PAFAH2: variants seen among roughly 807,000 people sequenced by gnomAD.
PAFAH2 encodes the protein platelet-activating factor acetylhydrolase 2, cytoplasmic.
Under a neutral mutation model 49.0 loss-of-function variants are expected in PAFAH2, and 42 were observed. The ratio of observed to expected loss-of-function variants is 0.86; its 90% CI spans 0.67 to 1.11. PAFAH2 has a LOEUF of 1.11. Ranked by LOEUF, PAFAH2 falls within the 50% of genes least tolerant of loss-of-function variation. PAFAH2 has a pLI of 0.00. For missense variants in PAFAH2, 503 were observed against 501.8 expected (o/e 1.00, Z -0.02); for synonymous variants, 184 against 181.3 (o/e 1.01, Z -0.12).
chr1:25,986,680 C>T (rs774886137), intron 4 of PAFAH2, among the ~76,000 whole-genome samples: 2 of 152,012 alleles, frequency 1.3e-5, no homozygotes, highest in Admixed American at 1.3e-4. Flanking sequence ...CAGGCATGCA[C>T]CACCACACCT....
intron 7 of PAFAH2, among the ~76,000 whole-genome samples, chr1:25,977,429 T>C (rs1341994576): frequency 2.6e-5 from 4 of 151,434 alleles, no homozygotes; most frequent in Non-Finnish European, 4.4e-5. Flanking sequence ...GGCGGGCGGA[T>C]TGCTTGAGCT....
intron 10 of PAFAH2, among the ~76,000 whole-genome samples, chr1:25,965,563 G>A (rs560100728): frequency 3.4e-4 from 51 of 151,974 alleles, no homozygotes; most frequent in Non-Finnish European, 6.6e-4. Context: ...CGCCTGTAAC[G>A]CCAGCACTTT....
At chr1:25,990,687 A>C in intron 2 of PAFAH2, 40 bp downstream of exon 2, 1 of 1,492,984 alleles carries the variant, frequency 6.7e-7, no homozygotes, top group Non-Finnish European at 9.3e-7. Context: ...GTGCCGGCAG[A>C]AGCAGTGCAA....
At chr1:25,977,101 C>T (rs1295962017) in intron 7 of PAFAH2, among the ~76,000 whole-genome samples, 1 of 143,564 alleles carries the variant, frequency 7.0e-6, no homozygotes, top group Admixed American at 7.4e-5. Context: ...CGGCTCACTG[C>T]AAGCTCCGCC....
intron 1 of PAFAH2, among the ~76,000 whole-genome samples, chr1:25,997,161 G>T (rs1403055177): frequency 6.6e-6 from 1 of 152,184 alleles, no homozygotes; most frequent in African/African-American, 2.4e-5. Context: ...CACTTCTCTT[G>T]TGCTTCCTTT....
intron 6 of PAFAH2, among the ~76,000 whole-genome samples, chr1:25,983,565 A>C (rs927253210): frequency 3.3e-5 from 5 of 151,764 alleles, no homozygotes; most frequent in Non-Finnish European, 7.4e-5. Context: ...TCAAAAACAA[A>C]AAAAAAAACA....
chr1:25,961,950 A>C lies in PAFAH2; in HGVS notation c.*39T>G. On this transcript the variant is annotated 3_prime_UTR_variant, in exon 11 of 11. Transcript: ENST00000374282. ...GTGCCCTTGGGTAGCTCCCAAATGA[A>C]AACTTGGCTGAAGTGACTTTACAAA... 1 of 1,539,088 alleles carries C rather than the reference A, an allele frequency of 6.5e-7. No homozygotes were observed. Among genetic ancestry groups the C allele is most frequent in the Non-Finnish European group, 9.0e-7 (1 of 1,114,048 alleles).
chr1:25,990,704 G>A (rs776039474), intron 2 of PAFAH2, 23 bp downstream of exon 2: 1 of 1,593,086 alleles, frequency 6.3e-7, no homozygotes, highest in Non-Finnish European at 8.6e-7. Flanking sequence ...GCAAACAGAA[G>A]AAAGGGAGCT....
Position 25,983,469 on chromosome 1 carries a change from A to G in PAFAH2, c.552+477T>C, listed in dbSNP as rs555470163. 2.0e-5 allele frequency among the ~76,000 whole-genome samples: 3 copies of G among 151,774 alleles called. No homozygotes were observed. In the South Asian group the frequency reaches 6.3e-4, roughly 32 times the overall value. On this transcript the variant is annotated intron_variant, in intron 6 of 10. Coordinates refer to ENST00000374282, the MANE Select transcript of PAFAH2 (RefSeq NM_000437.4). ...CTACTCAGGACACTGAGGTAGGAAG[A>G]TCTCTTGAGCCCAGAAGATTGAGAC... is the stretch of plus-strand genomic sequence containing the variant.
At chr1:25,965,696 T>C (rs1380088547) in intron 10 of PAFAH2, among the ~76,000 whole-genome samples, 3 of 151,416 alleles carry the variant, frequency 2.0e-5, no homozygotes, top group Admixed American at 6.6e-5. Context: ...CGGGCACCTG[T>C]AATCCCAGCT....
chr1:25,966,713 T>G (rs753537510), intron 10 of PAFAH2, among the ~76,000 whole-genome samples: 1 of 152,034 alleles, frequency 6.6e-6, no homozygotes, highest in Non-Finnish European at 1.5e-5. Context: ...AAGCCCAGAC[T>G]TTACCACGTG....
chr1:25,989,739 T>A, intron 2 of PAFAH2, 138 bp from the exon 3 acceptor site: 1 of 559,904 alleles, frequency 1.8e-6, no homozygotes, highest in Non-Finnish European at 2.9e-6. Flanking sequence ...TTAGCATGCC[T>A]GAATTTCACA....
At chr1:25,982,883 T>A (rs934700089) in intron 6 of PAFAH2, among the ~76,000 whole-genome samples, 3 of 152,212 alleles carry the variant, frequency 2.0e-5, no homozygotes, top group Non-Finnish European at 2.9e-5. Flanking sequence ...TTGTTAACCC[T>A]GGCTTTTGAG....
In PAFAH2 at chr1:25,998,014, A is replaced by G. The variant is rs1276667990; in HGVS notation, c.-48+11T>C. 6.6e-6 allele frequency: 1 copy of G among 152,242 alleles called. No individual in the cohort carries two copies. The highest frequency in any genetic ancestry group is 1.9e-4 in the East Asian group (1 of 5,204). The allele number at this position is 152,242 out of a possible 1,614,324, so 9.4% of individuals were successfully genotyped here. A position where few individuals can be genotyped will look rare whatever the true frequency, so the allele number is the denominator to read the frequency against. On this transcript the variant is annotated intron_variant, in intron 1 of 10. Coordinates refer to ENST00000374282, the MANE Select transcript of PAFAH2 (RefSeq NM_000437.4). The stretch of plus-strand genomic sequence containing the variant: ...AATTGAGATATAGGTGTTTTCTCCA[A>G]TCAAACTTACCCAGTCAAGCTGATT...
At chr1:25,996,614 C>T (rs1416570194) in intron 1 of PAFAH2, among the ~76,000 whole-genome samples, 1 of 152,106 alleles carries the variant, frequency 6.6e-6, no homozygotes, top group African/African-American at 2.4e-5. Context: ...TGCACTCTAG[C>T]CTGGGCGACA....
intron 1 of PAFAH2, among the ~76,000 whole-genome samples, chr1:25,992,566 AT>A (rs2049890901): frequency 6.6e-6 from 1 of 152,144 alleles, no homozygotes; most frequent in Non-Finnish European, 1.5e-5. Context: ...TTCACATATT[AT>A]TTTATTTAAT....
At chr1:25,987,781 G>A (rs943689160) in intron 4 of PAFAH2, among the ~76,000 whole-genome samples, 3 of 152,058 alleles carry the variant, frequency 2.0e-5, no homozygotes, top group Non-Finnish European at 4.4e-5. Context: ...TGGTGGCTGA[G>A]GCAGGAGCAC....
chr1:25,966,052 G>A (rs920945407), intron 10 of PAFAH2, among the ~76,000 whole-genome samples: 5 of 151,302 alleles, frequency 3.3e-5, no homozygotes, highest in Admixed American at 6.6e-5. Flanking sequence ...TCAGAGAAAT[G>A]CAAATTAAAA....
intron 7 of PAFAH2, 103 bp from the exon 8 acceptor site, chr1:25,976,876 G>A (rs1473309863): frequency 2.6e-6 from 2 of 772,348 alleles, no homozygotes; most frequent in Non-Finnish European, 4.4e-6. Flanking sequence ...GAGGCCAAAG[G>A]CACAATACAG....
Sources: gnomAD v4.1 joint callset for allele counts (sites outside exome capture counted in the v4.1 genomes callset) on GRCh38, gnomAD v4.1.1 for gene constraint, MANE v1.5 for transcripts, NCBI Gene and HGNC (gene_info 2026-07-23, HGNC 2026-07-21) for gene names.